The following NELL2 variants were observed in gnomAD, a reference collection of about 807,000 sequenced individuals.
The protein encoded by NELL2 is neural EGFL like 2, also known as protein kinase C-binding protein NELL2.
Under a neutral mutation model 109.6 loss-of-function variants are expected in NELL2, and 41 were observed. The ratio of observed to expected loss-of-function variants is 0.37; its 90% CI spans 0.29 to 0.49. The LOEUF is 0.49. Among genes scored for constraint, NELL2 ranks in the 20% least tolerant of loss-of-function variants. The pLI is 0.98. For synonymous variants in NELL2, 355 were observed against 344.7 expected (o/e 1.03, Z -0.33); for missense variants, 900 against 1,008.3 (o/e 0.89, Z 1.45).
intron 2 of NELL2, 168 bp downstream of exon 2, chr12:44,875,057 A>T: frequency 1.1e-6 from 1 of 899,666 alleles, no homozygotes; most frequent in South Asian, 2.0e-5. Flanking sequence ...GGGGAGAAAA[A>T]ACCACTTAAA....
At chr12:44,816,907 G>A (rs1340505348) in intron 2 of NELL2, among the ~76,000 whole-genome samples, 2 of 152,204 alleles carry the variant, frequency 1.3e-5, no homozygotes, top group Non-Finnish European at 2.9e-5. Context: ...AATGCACTTA[G>A]GTTTAAAAAC....
At chr12:44,663,746 C>T (rs571576369) in intron 13 of NELL2, among the ~76,000 whole-genome samples, 1 of 152,302 alleles carries the variant, frequency 6.6e-6, no homozygotes, top group East Asian at 1.9e-4. Context: ...CTAAACTATT[C>T]CTTGGATTTA....
chr12:44,670,747 G>GT (rs1216102146), intron 12 of NELL2, among the ~76,000 whole-genome samples: 73 of 152,048 alleles, frequency 4.8e-4, no homozygotes, highest in Middle Eastern at 3.4e-3. Context: ...TCAGTAGGAA[G>GT]ATACAACAAT....
intron 13 of NELL2, among the ~76,000 whole-genome samples, chr12:44,616,888 T>C (rs1004928635): frequency 1.3e-5 from 2 of 152,164 alleles, no homozygotes; most frequent in African/African-American, 2.4e-5. Flanking sequence ...AGATAAAATA[T>C]ACTCTCTCTC....
chr12:44,852,018 C>A (rs1944549224), intron 2 of NELL2, among the ~76,000 whole-genome samples: 1 of 152,110 alleles, frequency 6.6e-6, no homozygotes, highest in South Asian at 2.1e-4. Context: ...GCAAAAAAAA[C>A]ACAAAAATAA....
chr12:44,888,007 T>C (rs1178797593), intron 1 of NELL2, among the ~76,000 whole-genome samples: 2 of 152,112 alleles, frequency 1.3e-5, no homozygotes, highest in African/African-American at 4.8e-5. Flanking sequence ...TATGATTTGA[T>C]TTTTGTGTAT....
In NELL2 at chr12:44,892,744, G is replaced by A. The variant is rs574469433; in HGVS notation, c.39-16844C>T. On this transcript the variant is annotated intron_variant, in intron 1 of 20. Transcript: ENST00000333837. ...ACCCGGGAGGCGGAGCTTGCAGTGA[G>A]CCGAGATCGCACCACTGCACTCCAG... is the stretch of plus-strand genomic sequence containing the variant. Among the ~76,000 whole-genome samples, 593 of 141,844 alleles carry A rather than the reference G, an allele frequency of 4.2e-3. 8 individuals are homozygous for A. The highest frequency in any genetic ancestry group is 0.014 in the African/African-American group (515 of 37,836). 93.1% of individuals were successfully genotyped at this position (141,844 alleles called of 152,430 possible). A position where few individuals can be genotyped will look rare whatever the true frequency, so the allele number is the denominator to read the frequency against.
chr12:44,691,530 A>G (rs541123313), intron 12 of NELL2, among the ~76,000 whole-genome samples: 3 of 152,282 alleles, frequency 2.0e-5, no homozygotes, highest in Non-Finnish European at 4.4e-5. Flanking sequence ...AAGTGAGAAG[A>G]GTTGCACGTC....
chr12:44,828,491 A>G (rs1264682993), intron 2 of NELL2, among the ~76,000 whole-genome samples: 1 of 152,210 alleles, frequency 6.6e-6, no homozygotes, highest in East Asian at 1.9e-4. Context: ...ACATTTCTTC[A>G]TGTATCATTA....
At chr12:44,744,366 C>T (rs1418126651) in intron 9 of NELL2, among the ~76,000 whole-genome samples, 1 of 152,110 alleles carries the variant, frequency 6.6e-6, no homozygotes, top group Non-Finnish European at 1.5e-5. Context: ...CTAAAATTGA[C>T]ACCCTAACAT....
In NELL2 at chr12:44,875,596, T is replaced by A. The variant is rs200726091; in HGVS notation, c.55+219A>T. On this transcript the variant is annotated intron_variant, in intron 1 of 19. Coordinates refer to ENST00000429094, the MANE Select transcript of NELL2 (RefSeq NM_001145108.2). ...ACCCTTCTCTCTGCAAAGTTCCCCC[T>A]CAGCCCTCCGACCCTGGACTAGGGG... 3.3e-4 allele frequency: 531 copies of A among 1,612,856 alleles called. No homozygotes were observed. The African/African-American group carries it at 6.6e-3, about 20-fold the overall frequency.
chr12:44,798,238 A>C (rs1024450820), intron 3 of NELL2, among the ~76,000 whole-genome samples: 5 of 151,744 alleles, frequency 3.3e-5, no homozygotes, highest in Non-Finnish European at 7.4e-5. Flanking sequence ...AAATTTTCAA[A>C]TCTATAAGGT....
intron 9 of NELL2, among the ~76,000 whole-genome samples, chr12:44,748,460 T>C (rs367851223): frequency 3.1e-4 from 47 of 152,300 alleles, no homozygotes; most frequent in African/African-American, 1.1e-3. Context: ...AGATCCTATC[T>C]AATGTATTCA....
At chr12:44,839,322 AAAATAATGGCGAT>A (rs1461688234) in intron 2 of NELL2, among the ~76,000 whole-genome samples, 2 of 152,242 alleles carry the variant, frequency 1.3e-5, no homozygotes, top group African/African-American at 4.8e-5. Flanking sequence ...CATGCTGCTT[AAAATAATGGCGAT>A]AAATAAAAAC....
intron 1 of NELL2, among the ~76,000 whole-genome samples, chr12:44,903,217 A>C (rs1008715226): frequency 1.3e-5 from 2 of 152,206 alleles, no homozygotes; most frequent in Admixed American, 6.5e-5. Flanking sequence ...CCCCATCAAA[A>C]AGTGGGCAAA....
chr12:44,648,607 G>C (rs1287569413), intron 13 of NELL2, among the ~76,000 whole-genome samples: 9 of 150,192 alleles, frequency 6.0e-5, no homozygotes, highest in African/African-American at 2.2e-4. Context: ...ATAATGAAGA[G>C]GTAAAAACTT....
intron 2 of NELL2, among the ~76,000 whole-genome samples, chr12:44,847,783 G>A (rs1944415890): frequency 6.6e-6 from 1 of 151,932 alleles, no homozygotes; most frequent in Non-Finnish European, 1.5e-5. Flanking sequence ...AGAGAGTAGA[G>A]AACTTTGGGA....
Position 44,520,159 on chromosome 12 carries a change from T to C in NELL2, c.2246A>G (p.Asn749Ser), listed in dbSNP as rs1398744787. The C allele has an allele frequency of 6.2e-6, 10 of 1,613,920 alleles. No individual in the cohort carries two copies. Among genetic ancestry groups the C allele is most frequent in the Non-Finnish European group, 8.5e-6 (10 of 1,179,956 alleles). ...TGTGACACAGCGCGGGCAGCACTCA[T>C]TCTCTGGGAGAATGCTGAATTCACA... Reference protein sequence around the residue: ...VECEFSILPENECCPRCVTDP... With the variant: ...VECEFSILPESECCPRCVTDP... Residue 749 changes from asparagine to serine, a missense_variant, in exon 19 of 20, where the codon AAT (asparagine) becomes AGT (serine). Physicochemically the swap from Asn to Ser is conservative, Grantham distance 46. Coordinates refer to ENST00000429094, the MANE Select transcript of NELL2 (RefSeq NM_001145108.2).
At chr12:44,534,620 T>C (rs1159804289) in intron 15 of NELL2, among the ~76,000 whole-genome samples, 1 of 152,178 alleles carries the variant, frequency 6.6e-6, no homozygotes, top group Non-Finnish European at 1.5e-5. Flanking sequence ...TTCAGCTTTA[T>C]ATGGTCTTTT....
Sources: gnomAD v4.1 joint callset for allele counts (sites outside exome capture counted in the v4.1 genomes callset) on GRCh38, gnomAD v4.1.1 for gene constraint, MANE v1.5 for transcripts, NCBI Gene and HGNC (gene_info 2026-07-23, HGNC 2026-07-21) for gene names.